Variants in SLC2A5 observed in about 807,000 individuals in gnomAD.
The protein encoded by SLC2A5 is solute carrier family 2 member 5.
SLC2A5 carries 56 observed loss-of-function variants against 50.3 expected under a neutral mutation model. The ratio of observed to expected loss-of-function variants is 1.11; its 90% CI spans 0.90 to 1.39. The LOEUF (loss-of-function observed/expected upper bound fraction) is 1.39. Ranked by LOEUF, SLC2A5 falls within the 40% of genes most tolerant of loss-of-function variation. The pLI is 0.00. For synonymous variants in SLC2A5, 269 were observed against 281.9 expected, an observed-to-expected ratio of 0.95 and a Z score of 0.46; for missense variants, 566 against 650.1, an observed-to-expected ratio of 0.87 and a Z score of 1.41.
intron 1 of SLC2A5, among the ~76,000 whole-genome samples, chr1:9,088,207 GAACCCCTCCTCTGA>G (rs1442374894): frequency 6.6e-6 from 1 of 150,608 alleles, no homozygotes; most frequent in Non-Finnish European, 1.5e-5. Context: ...CCTTCCTCTG[GAACCCCTCCTCTGA>G]AACCCCTTTT....
In SLC2A5 at chr1:9,039,794, C is replaced by A; in HGVS notation, c.885+6G>T. ...CCCAGCTCCCGAGCCGCAGCCCGGC[C>A]CATACAGCGTTGACGCCCGACAGCT... is the stretch of plus-strand genomic sequence containing the variant. On this transcript the variant is annotated splice_donor_region_variant and intron_variant, in intron 7 of 11. Transcript: ENST00000377424. The A allele has an allele frequency of 6.4e-7, 1 of 1,558,964 alleles. No homozygotes were observed. Among genetic ancestry groups the A allele is most frequent in the Non-Finnish European group, 8.7e-7 (1 of 1,153,560 alleles).
At chr1:9,081,176 C>T (rs1642346697) in intron 2 of SLC2A5, among the ~76,000 whole-genome samples, 1 of 148,630 alleles carries the variant, frequency 6.7e-6, no homozygotes, top group African/African-American at 2.5e-5. Flanking sequence ...GGGAGGATCA[C>T]TTGAGCCTGA....
intron 2 of SLC2A5, among the ~76,000 whole-genome samples, chr1:9,081,049 A>G (rs115018681): frequency 0.012 from 1,822 of 152,224 alleles, 41 homozygotes; most frequent in African/African-American, 0.041. Flanking sequence ...ACTGGCCTGG[A>G]CAATGTGGTG....
At chr1:9,060,318 C>A in intron 1 of SLC2A5, among the ~76,000 whole-genome samples, 2 of 127,472 alleles carry the variant, frequency 1.6e-5, no homozygotes, top group Non-Finnish European at 1.6e-5. Flanking sequence ...CACATGTACA[C>A]ACACTACATA....
rs1641212306 is a variant in SLC2A5 at position 9,038,809 on chromosome 1, G to A, written c.1098+19C>T. On this transcript the variant is annotated intron_variant, in intron 9 of 11. Coordinates refer to ENST00000377424, the MANE Select transcript of SLC2A5 (RefSeq NM_003039.3). ...TCCTGGTGCAGCTCCGGGCTCCTGGGACCCTGGCCTGTCCTCACCTGCAGT... is the reference window on the plus strand; with the variant it reads ...TCCTGGTGCAGCTCCGGGCTCCTGGAACCCTGGCCTGTCCTCACCTGCAGT... The A allele has an allele frequency of 1.3e-6, 2 of 1,569,968 alleles. No individual in the cohort carries two copies. The highest frequency in any genetic ancestry group is 2.3e-5 in the East Asian group (1 of 43,202).
chr1:9,054,362 G>A (rs541222499), intron 3 of SLC2A5, among the ~76,000 whole-genome samples: 1 of 152,282 alleles, frequency 6.6e-6, no homozygotes, highest in East Asian at 1.9e-4. Flanking sequence ...GAGTGGGCAA[G>A]GTCAACATTG....
chr1:9,039,492 TG>T, intron 8 of SLC2A5, 59 bp downstream of exon 8: 2 of 1,280,004 alleles, frequency 1.6e-6, no homozygotes, highest in Non-Finnish European at 2.1e-6. Flanking sequence ...GCGCCGAGGC[TG>T]GGGCGTGGGG....
rs546032285 is a variant in SLC2A5 at position 9,040,502 on chromosome 1, C to A, written c.572-313G>T. The A allele has an allele frequency of 8.6e-5, 27 of 315,066 alleles. 1 individual carries two copies. The highest frequency in any genetic ancestry group is 7.0e-4 in the Admixed American group (15 of 21,410). The allele number at this position is 315,066 out of a possible 1,614,324, so 19.5% of individuals were successfully genotyped here. A position where few individuals can be genotyped will look rare whatever the true frequency, so the allele number is the denominator to read the frequency against. On this transcript the variant is annotated intron_variant, in intron 5 of 11. Coordinates refer to ENST00000377424, the MANE Select transcript of SLC2A5 (RefSeq NM_003039.3). This position sits in a 1 kb window ranked among gnomAD's most constrained non-coding sequence, Gnocchi z 4.3. ...CAGGGGCTGGAGGAGCTGGGCATAC[C>A]CGGCCTGACCCAACTGCCCACTCCC...
At chr1:9,078,481 G>A (rs1642317336) in intron 2 of SLC2A5, among the ~76,000 whole-genome samples, 1 of 152,068 alleles carries the variant, frequency 6.6e-6, no homozygotes, top group African/African-American at 2.4e-5. Flanking sequence ...AGAAGACTTT[G>A]TATTGGGTAC....
At chr1:9,053,083 A>G (rs1202109649) in intron 3 of SLC2A5, among the ~76,000 whole-genome samples, 1 of 114,744 alleles carries the variant, frequency 8.7e-6, no homozygotes, top group African/African-American at 3.4e-5. Context: ...TTATATATTA[A>G]TATATAATAT....
Position 9,037,736 on chromosome 1 carries a change from G to A in SLC2A5, c.1356C>T (p.Thr452=). Residue 452 remains threonine (T), a synonymous_variant, in exon 12 of 12, where the codon ACC becomes ACT. Transcript: ENST00000377424. ...GGACAATCAAGAAGATGTAGATGGT[G>A]GTGAGGAGGCAGATCACGGCGAAGA... ...FIVFAVICLL[T]TIYIFLIVPE... is the part of the protein sequence containing the mutation. 1 of 1,614,216 alleles carries A rather than the reference G, an allele frequency of 6.2e-7. No homozygotes were observed. Among genetic ancestry groups the A allele is most frequent in the Non-Finnish European group, 8.5e-7 (1 of 1,180,038 alleles).
At position 9,054,901 on chromosome 1, in the gene SLC2A5, G is replaced by A. The variant is rs537057666; in HGVS notation, c.293+2547C>T. ...ATCATGCCACTGCACTCCCACCTAG[G>A]TGACAGAGTGAGACCCTGTCTCACA... On this transcript the variant is annotated intron_variant, in intron 3 of 11. Transcript: ENST00000377424. Among the ~76,000 whole-genome samples, 6 of 152,292 alleles carry A rather than the reference G, an allele frequency of 3.9e-5. No individual in the cohort carries two copies. The South Asian group carries it at 1.2e-3, about 32-fold the overall frequency.
At chr1:9,054,557 C>T (rs916659802) in intron 3 of SLC2A5, among the ~76,000 whole-genome samples, 1 of 152,062 alleles carries the variant, frequency 6.6e-6, no homozygotes, top group Non-Finnish European at 1.5e-5. Flanking sequence ...AATTAGTTTT[C>T]TCTCATCACT....
intron 1 of SLC2A5, among the ~76,000 whole-genome samples, chr1:9,058,700 A>C (rs1641826038): frequency 6.6e-6 from 1 of 152,250 alleles, no homozygotes; most frequent in Non-Finnish European, 1.5e-5. Flanking sequence ...CACGTGGGGC[A>C]TTTGCCAACT....
At chr1:9,052,651 G>C (rs1433896581) in intron 3 of SLC2A5, among the ~76,000 whole-genome samples, 1 of 152,146 alleles carries the variant, frequency 6.6e-6, no homozygotes, top group African/African-American at 2.4e-5. Flanking sequence ...TGCATGTATT[G>C]GAGGAGAGGT....
chr1:9,060,031 CACAT>C (rs1641872962), intron 1 of SLC2A5, among the ~76,000 whole-genome samples: 2 of 148,672 alleles, frequency 1.3e-5, no homozygotes, highest in African/African-American at 5.0e-5. Flanking sequence ...ACACACTACA[CACAT>C]ACAGTACACA....
At chr1:9,038,586 G>T in intron 9 of SLC2A5, 80 bp from the exon 10 acceptor site, 1 of 1,338,108 alleles carries the variant, frequency 7.5e-7, no homozygotes, top group Non-Finnish European at 1.1e-6. Context: ...CTGCCCTGGT[G>T]GGTGGAGGAT....
At chr1:9,047,927 G>A (rs996938046) in intron 3 of SLC2A5, among the ~76,000 whole-genome samples, 193 bp from the exon 4 acceptor site, 16 of 152,194 alleles carry the variant, frequency 1.1e-4, no homozygotes, top group African/African-American at 3.6e-4. Flanking sequence ...TCAGTGTGGG[G>A]AGCAAATGGA....
At chr1:9,053,162 A>G (rs1381836121) in intron 3 of SLC2A5, among the ~76,000 whole-genome samples, 16 of 74,514 alleles carry the variant, frequency 2.1e-4, no homozygotes, top group East Asian at 9.1e-4. Context: ...TATTTTATAT[A>G]TTTATATATT....
Sources: gnomAD v4.1 joint callset for allele counts (sites outside exome capture counted in the v4.1 genomes callset) on GRCh38, gnomAD v4.1.1 for gene constraint, Gnocchi (gnomAD v3.1) non-coding constraint, MANE v1.5 for transcripts, NCBI Gene and HGNC (gene_info 2026-07-23, HGNC 2026-07-21) for gene names.